ENOX1: variants seen among roughly 807,000 people sequenced by gnomAD.
ENOX1 encodes ecto-NOX disulfide-thiol exchanger 1, also known as candidate growth-related and time keeping constitutive hydroquinone (NADH) oxidase.
In ENOX1, 42 loss-of-function variants were observed where a neutral mutation model predicts 82.5. The ratio of observed to expected loss-of-function variants is 0.51; its 90% confidence interval spans 0.40 to 0.66. The LOEUF is 0.66. ENOX1 is among the 30% of genes least tolerant of loss of function. The probability of loss-of-function intolerance (pLI) is 0.00; values close to 1 mark genes in which losing one functional copy is unlikely to be tolerated. For synonymous variants in ENOX1, 271 were observed against 282.2 expected (o/e 0.96, Z 0.40); for missense variants, 608 against 811.6 (o/e 0.75, Z 3.05).
intron 2 of ENOX1, among the ~76,000 whole-genome samples, chr13:43,590,656 G>A (rs1270694955): frequency 6.6e-6 from 1 of 151,574 alleles, no homozygotes; most frequent in East Asian, 1.9e-4. Context: ...CGCGCCTGTA[G>A]TCCCAACTAC....
chr13:43,419,187 AG>A (rs2054824752), intron 3 of ENOX1, among the ~76,000 whole-genome samples: 2 of 152,140 alleles, frequency 1.3e-5, no homozygotes, highest in African/African-American at 4.8e-5. Context: ...CTGTTAAAGG[AG>A]GGTAGAGATC....
chr13:43,225,803 G>A (rs2041999844), intron 15 of ENOX1, among the ~76,000 whole-genome samples: 1 of 152,172 alleles, frequency 6.6e-6, no homozygotes, highest in Non-Finnish European at 1.5e-5. Flanking sequence ...GGCTTCTAGA[G>A]GATGACAGTG....
chr13:43,564,320 T>C (rs1017411342), intron 2 of ENOX1, among the ~76,000 whole-genome samples: 2 of 152,094 alleles, frequency 1.3e-5, no homozygotes, highest in Admixed American at 1.3e-4. Context: ...GCCAATTACA[T>C]TCTTCACAGA....
chr13:43,320,261 G>A (rs1225855207), intron 11 of ENOX1, among the ~76,000 whole-genome samples: 2 of 152,184 alleles, frequency 1.3e-5, no homozygotes, highest in Non-Finnish European at 2.9e-5. Context: ...TGAAAAGCAC[G>A]AAAAGACTTT....
intron 3 of ENOX1, among the ~76,000 whole-genome samples, chr13:43,470,308 A>ACGTATATATATG (rs1555289840): frequency 2.1e-4 from 8 of 38,606 alleles, no homozygotes; most frequent in African/African-American, 8.4e-4. Flanking sequence ...ATATATATAC[A>ACGTATATATATG]TATATATACA....
chr13:43,463,881 T>A (rs957535726), intron 3 of ENOX1, among the ~76,000 whole-genome samples: 16 of 152,206 alleles, frequency 1.1e-4, no homozygotes, highest in African/African-American at 3.9e-4. Context: ...CTACTCTTAT[T>A]CATCCATTCA....
chr13:43,504,015 C>A (rs2077065712), intron 2 of ENOX1, among the ~76,000 whole-genome samples: 1 of 151,408 alleles, frequency 6.6e-6, no homozygotes, highest in Non-Finnish European at 1.5e-5. Context: ...GCAAAAAAAT[C>A]CAATAAAAAT....
At chr13:43,371,400 C>G (rs947395593) in intron 5 of ENOX1, among the ~76,000 whole-genome samples, 1 of 152,170 alleles carries the variant, frequency 6.6e-6, no homozygotes, top group Non-Finnish European at 1.5e-5. Context: ...TGCCTCCTTG[C>G]TCTATAGAAC....
chr13:43,639,053 C>T (rs888699812), intron 2 of ENOX1, among the ~76,000 whole-genome samples: 2 of 152,156 alleles, frequency 1.3e-5, no homozygotes, highest in Non-Finnish European at 2.9e-5. Flanking sequence ...CCTGTAATCT[C>T]AGCACTTTGG....
chr13:43,264,350 T>C (rs1478192307), intron 14 of ENOX1, among the ~76,000 whole-genome samples: 1 of 152,228 alleles, frequency 6.6e-6, no homozygotes, highest in African/African-American at 2.4e-5. Context: ...ATTCCTTAAC[T>C]CAGTTGTAAG....
chr13:43,278,419 AG>A (rs2045185203), intron 12 of ENOX1, among the ~76,000 whole-genome samples: 1 of 152,192 alleles, frequency 6.6e-6, no homozygotes, highest in South Asian at 2.1e-4. Flanking sequence ...ATGACAGCAC[AG>A]TTTTGCAAAG....
chr13:43,266,441 A>G (rs1269844790), intron 13 of ENOX1, among the ~76,000 whole-genome samples: 1 of 152,196 alleles, frequency 6.6e-6, no homozygotes, highest in Non-Finnish European at 1.5e-5. Context: ...CCAGCAAAAA[A>G]AAGCCCTACC....
At chr13:43,585,861 G>C (rs1430021822) in intron 2 of ENOX1, among the ~76,000 whole-genome samples, 3 of 152,218 alleles carry the variant, frequency 2.0e-5, no homozygotes, top group African/African-American at 7.2e-5. Flanking sequence ...ACAGGCGTGA[G>C]CCACTGCACC....
At chr13:43,483,969 T>C in intron 3 of ENOX1, 40 bp downstream of exon 3, 1 of 981,572 alleles carries the variant, frequency 1.0e-6, no homozygotes, top group Non-Finnish European at 1.2e-6. Flanking sequence ...CCCTCAAACT[T>C]AGTATCTTCA....
intron 3 of ENOX1, among the ~76,000 whole-genome samples, chr13:43,449,982 T>C (rs779228860): frequency 3.5e-4 from 53 of 152,156 alleles, no homozygotes; most frequent in Non-Finnish European, 1.6e-4. Context: ...GTAAATAAGT[T>C]TGTGTGTTTC....
intron 11 of ENOX1, among the ~76,000 whole-genome samples, chr13:43,310,455 T>G (rs1339848761): frequency 6.6e-6 from 1 of 152,164 alleles, no homozygotes; most frequent in African/African-American, 2.4e-5. Flanking sequence ...ATAAAATATT[T>G]TGTTTCTGAA....
intron 2 of ENOX1, among the ~76,000 whole-genome samples, chr13:43,616,182 C>CTAGA (rs1566642150): frequency 0.016 from 99 of 6,228 alleles, 9 homozygotes; most frequent in African/African-American, 0.03. Context: ...ATCTATCTAT[C>CTAGA]TATCTATATA....
chr13:43,626,407 TAATTC>T (rs2082964401), intron 2 of ENOX1, among the ~76,000 whole-genome samples: 1 of 151,870 alleles, frequency 6.6e-6, no homozygotes, highest in African/African-American at 2.4e-5. Context: ...GATAAATTAT[TAATTC>T]AAGATTATTT....
intron 1 of ENOX1, among the ~76,000 whole-genome samples, chr13:43,677,196 G>C (rs946555394): frequency 6.6e-6 from 1 of 152,162 alleles, no homozygotes; most frequent in Non-Finnish European, 1.5e-5. Flanking sequence ...CAGATGGCAA[G>C]CATGAAGGCA....
Sources: gnomAD v4.1 joint callset for allele counts (sites outside exome capture counted in the v4.1 genomes callset) on GRCh38, gnomAD v4.1.1 for gene constraint, MANE v1.5 for transcripts, NCBI Gene and HGNC (gene_info 2026-07-23, HGNC 2026-07-21) for gene names.